Variants in ARID2 observed in about 807,000 individuals in gnomAD.
The protein encoded by ARID2 is AT-rich interaction domain 2, also known as AT-rich interactive domain-containing protein 2.
ARID2 carries 32 observed loss-of-function variants against 184.6 expected under a neutral mutation model. That is an observed-to-expected ratio of 0.17 (90% CI 0.13 to 0.23). The LOEUF is 0.23. ARID2 is among the 10% of genes least tolerant of loss of function. ARID2 has a pLI of 1.00. For synonymous variants in ARID2, 836 were observed against 772.6 expected (o/e 1.08, Z -1.36); for missense variants, 1,696 against 2,197.6 (o/e 0.77, Z 4.56).
At chr12:45,795,526 G>T (rs1331916642) in intron 3 of ARID2, among the ~76,000 whole-genome samples, 4 of 151,924 alleles carry the variant, frequency 2.6e-5, no homozygotes. Context: ...TCCGCCTCCC[G>T]GGTTCACGCC....
intron 16 of ARID2, among the ~76,000 whole-genome samples, chr12:45,883,030 A>G (rs1380252269): frequency 6.6e-6 from 1 of 152,192 alleles, no homozygotes; most frequent in African/African-American, 2.4e-5. Context: ...TAGGTTGATA[A>G]AATATTTTGT....
At position 45,907,682 on chromosome 12, in the gene ARID2, CAG is replaced by C. The variant is rs973569521; in HGVS notation, c.*2606_*2607del. 2.1e-5 allele frequency: 5 copies of C among 233,002 alleles called. No individual in the cohort carries two copies. The highest frequency in any genetic ancestry group is 4.2e-5 in the Non-Finnish European group (5 of 117,750). 14.4% of individuals were successfully genotyped at this position (233,002 alleles called of 1,614,324 possible). On this transcript the variant is annotated 3_prime_UTR_variant, in exon 21 of 21. Transcript: ENST00000334344. ...TCATGAAAAGGTGCTCCTTGCTAGA[CAG>C]AAACTTGCTGATTTACAGTATTGTT...
intron 3 of ARID2, among the ~76,000 whole-genome samples, chr12:45,767,782 TA>T (rs1941799930): frequency 1.3e-5 from 2 of 152,230 alleles, no homozygotes; most frequent in African/African-American, 4.8e-5. Context: ...GAAAAAAATC[TA>T]CTTCACACTG....
intron 15 of ARID2, among the ~76,000 whole-genome samples, chr12:45,859,891 G>T (rs1943712872): frequency 2.6e-5 from 4 of 152,012 alleles, no homozygotes; most frequent in Admixed American, 2.6e-4. Context: ...CTGCCACCAC[G>T]CCTGGCTAAT....
At chr12:45,875,240 A>G (rs1321525331) in intron 16 of ARID2, among the ~76,000 whole-genome samples, 2 of 152,248 alleles carry the variant, frequency 1.3e-5, no homozygotes, top group Non-Finnish European at 2.9e-5. Context: ...GCTCTTGGGC[A>G]CCTAGATACA....
chr12:45,732,125 A>T (rs1180122415), intron 3 of ARID2, among the ~76,000 whole-genome samples: 1 of 150,596 alleles, frequency 6.6e-6, no homozygotes, highest in Admixed American at 6.6e-5. Context: ...ACTGTAATTT[A>T]TCATGATGCT....
intron 15 of ARID2, among the ~76,000 whole-genome samples, chr12:45,859,382 T>TAC (rs1172279811): frequency 6.6e-6 from 1 of 152,182 alleles, no homozygotes; most frequent in Non-Finnish European, 1.5e-5. Context: ...TTTGTGGAAG[T>TAC]ACACCGTATG....
chr12:45,754,090 A>C (rs374933349), intron 3 of ARID2, among the ~76,000 whole-genome samples: 1 of 152,230 alleles, frequency 6.6e-6, no homozygotes. Context: ...TTGGAAAATA[A>C]TGTTCATTGG....
intron 18 of ARID2, 114 bp downstream of exon 18, chr12:45,892,210 A>G (rs1254500095): frequency 3.0e-6 from 3 of 996,326 alleles, no homozygotes; most frequent in African/African-American, 1.6e-5. Flanking sequence ...GTTCTAGTCC[A>G]GCTCTGCCAT....
At chr12:45,767,912 G>A (rs1008902357) in intron 3 of ARID2, among the ~76,000 whole-genome samples, 1 of 152,198 alleles carries the variant, frequency 6.6e-6, no homozygotes, top group African/African-American at 2.4e-5. Flanking sequence ...CAACAGGACA[G>A]CATGAGTCTT....
chr12:45,734,821 T>G (rs753835375), intron 3 of ARID2, among the ~76,000 whole-genome samples: 4 of 152,216 alleles, frequency 2.6e-5, no homozygotes, highest in African/African-American at 7.2e-5. Context: ...TATGAAGATT[T>G]AGGTAAATAT....
intron 3 of ARID2, among the ~76,000 whole-genome samples, chr12:45,806,991 C>T (rs1942613999): frequency 6.6e-6 from 1 of 152,178 alleles, no homozygotes; most frequent in Non-Finnish European, 1.5e-5. Context: ...TTTTGAAACA[C>T]ACCATCACTT....
In ARID2 at chr12:45,794,772, G is replaced by A. The variant is rs115298016; in HGVS notation, c.285-16646G>A. On this transcript the variant is annotated intron_variant, in intron 3 of 20. Coordinates refer to ENST00000334344, the MANE Select transcript of ARID2 (RefSeq NM_152641.4). ...TTTGGCCAGAGCATTCAGTTTTACT[G>A]TCTGAGGTCAGAAAACAAAGTGTGG... Among the ~76,000 whole-genome samples the A allele has an allele frequency of 5.1e-3, 784 of 152,280 alleles. 11 individuals are homozygous for A. The highest frequency in any genetic ancestry group is 0.018 in the African/African-American group (748 of 41,550).
chr12:45,832,394 T>C (rs1036451795), intron 6 of ARID2, among the ~76,000 whole-genome samples: 1 of 152,210 alleles, frequency 6.6e-6, no homozygotes, highest in African/African-American at 2.4e-5. Flanking sequence ...GTTTCTTGGA[T>C]CTGTGGTTTG....
At chr12:45,784,257 G>A (rs993216294) in intron 3 of ARID2, among the ~76,000 whole-genome samples, 1 of 152,120 alleles carries the variant, frequency 6.6e-6, no homozygotes, top group African/African-American at 2.4e-5. Flanking sequence ...CTGGCCCCAA[G>A]TGATCCTCCT....
At chr12:45,740,244 G>T (rs1205126778) in intron 3 of ARID2, among the ~76,000 whole-genome samples, 1 of 152,156 alleles carries the variant, frequency 6.6e-6, no homozygotes, top group Non-Finnish European at 1.5e-5. Context: ...AGTTGAGAGA[G>T]AAATGGTGAA....
intron 3 of ARID2, among the ~76,000 whole-genome samples, chr12:45,749,713 C>T (rs896129600): frequency 6.6e-6 from 1 of 152,200 alleles, no homozygotes; most frequent in Non-Finnish European, 1.5e-5. Flanking sequence ...TTCACTGTCA[C>T]CACTTGCTGC....
At chr12:45,798,173 G>T (rs1459357026) in intron 3 of ARID2, among the ~76,000 whole-genome samples, 1 of 151,554 alleles carries the variant, frequency 6.6e-6, no homozygotes, top group African/African-American at 2.4e-5. Context: ...TCCAACTTAA[G>T]AATCTAAAAC....
intron 3 of ARID2, among the ~76,000 whole-genome samples, chr12:45,745,078 T>C (rs1476197754): frequency 1.3e-5 from 2 of 152,192 alleles, no homozygotes; most frequent in African/African-American, 2.4e-5. Flanking sequence ...TCATAACCAG[T>C]CTTATAGGAA....
Sources: allele counts gnomAD v4.1 joint callset (sites outside exome capture counted in the v4.1 genomes callset), GRCh38; gene constraint gnomAD v4.1.1; transcripts MANE v1.5; gene names NCBI Gene and HGNC (gene_info 2026-07-23, HGNC 2026-07-21).